Variants in DIAPH1 observed in about 807,000 individuals in gnomAD.
The protein encoded by DIAPH1 is diaphanous related formin 1, also known as protein diaphanous homolog 1.
Under a neutral mutation model 140.7 loss-of-function variants are expected in DIAPH1, and 46 were observed. The ratio of observed to expected loss-of-function variants is 0.33; its 90% confidence interval spans 0.26 to 0.42. The LOEUF is 0.42. Ranked by LOEUF, DIAPH1 falls within the 10% of genes least tolerant of loss-of-function variation. DIAPH1 has a pLI of 1.00. For missense variants in DIAPH1, 1,310 were observed against 1,558.7 expected, an observed-to-expected ratio of 0.84 and a Z score of 2.69; for synonymous variants, 565 against 551.6, an observed-to-expected ratio of 1.02 and a Z score of -0.34.
rs765289550 is a variant in DIAPH1 at position 141,524,144 on chromosome 5, T to C, written c.3660A>G (p.Gln1220=). Residue 1220 remains glutamine (Q), a splice_region_variant and synonymous_variant, in exon 27 of 28, where the codon CAA becomes CAG. Transcript: ENST00000389054. ...AAFRRKRGPR[Q]ANRKAGCAVT... is the part of the protein sequence containing the mutation. Reference sequence around the variant, plus strand: ...GATGAGCTCCATGTGCTTACTTACCTTGACGGGGCCCTCTCTTCCGTCGGA... The same window carrying C: ...GATGAGCTCCATGTGCTTACTTACCCTGACGGGGCCCTCTCTTCCGTCGGA... 3.7e-6 allele frequency: 6 copies of C among 1,613,972 alleles called. No individual in the cohort carries two copies. In the East Asian group the frequency reaches 1.3e-4, roughly 36 times the overall value.
intron 2 of DIAPH1, 49 bp from the exon 3 acceptor site, chr5:141,587,246 AC>A: frequency 6.3e-7 from 1 of 1,591,672 alleles, no homozygotes; most frequent in South Asian, 1.1e-5. Flanking sequence ...CACTTACATA[AC>A]AAGCCACACA....
chr5:141,617,818 T>A (rs773551689), intron 1 of DIAPH1, among the ~76,000 whole-genome samples: 1 of 152,162 alleles, frequency 6.6e-6, no homozygotes, highest in South Asian at 2.1e-4. Context: ...TAGGGTTACA[T>A]GTATATCACT....
intron 18 of DIAPH1, among the ~76,000 whole-genome samples, chr5:141,570,878 A>C (rs942101097): frequency 1.3e-5 from 2 of 152,206 alleles, no homozygotes. Context: ...AAGAAAGAAG[A>C]GGGCAAAGTA....
chr5:141,567,707 T>G (rs2099894586), intron 18 of DIAPH1, among the ~76,000 whole-genome samples: 1 of 152,160 alleles, frequency 6.6e-6, no homozygotes, highest in Non-Finnish European at 1.5e-5. Flanking sequence ...TGCCACCTAG[T>G]GGACAGAAGA....
At position 141,618,854 on chromosome 5, in the gene DIAPH1, G is replaced by C; in HGVS notation, c.61C>G (p.Arg21Gly). 6.5e-7 allele frequency: 1 copy of C among 1,536,912 alleles called. No homozygotes were observed. Residue 21 changes from arginine (R) to glycine (G), a missense_variant, in exon 1 of 28, where the codon CGG becomes GGG. Arg to Gly is a moderately radical substitution (Grantham distance 125, BLOSUM62 -2). This residue lies in a region of DIAPH1 where 377 missense variants were observed against 497.1 expected (regional missense o/e 0.76). Transcript: ENST00000389054. Reference sequence around the variant, plus strand: ...GCCGAGGGCAGCTCATCTGGGCTCCGGCCCTTCTTCTTGTCCCGGGTCCCG... The same window carrying C: ...GCCGAGGGCAGCTCATCTGGGCTCCCGCCCTTCTTCTTGTCCCGGGTCCCG... Reference protein sequence around the residue: ...GRGTRDKKKGRSPDELPSAGG... With the variant: ...GRGTRDKKKGGSPDELPSAGG...
rs532721231 is a variant in DIAPH1, at chr5:141,611,667, CATAG to C, written c.117+7127_117+7130del. On this transcript the variant is annotated intron_variant, in intron 1 of 27. Transcript: ENST00000389054. The stretch of plus-strand genomic sequence containing the variant: ...ATGAGCAGATTCTTCACGGACGATA[CATAG>C]ATAGCAAATGGGCAAAATCTTGAAC... Among the ~76,000 whole-genome samples, 67 of 152,262 alleles carry C rather than the reference CATAG, an allele frequency of 4.4e-4. 1 individual carries two copies. The highest frequency in any genetic ancestry group is 3.5e-3 in the Admixed American group (54 of 15,290).
chr5:141,575,552 G>A (rs533392800), intron 14 of DIAPH1, among the ~76,000 whole-genome samples: 11 of 152,196 alleles, frequency 7.2e-5, no homozygotes, highest in African/African-American at 2.4e-4. Context: ...GGGAGGCTGA[G>A]GCAGGAGAAC....
chr5:141,529,843 GGAGGCCAAGGT>G lies in DIAPH1; in HGVS notation c.2582-157_2582-147del. The G allele has an allele frequency of 4.1e-6, 3 of 727,824 alleles. No homozygotes were observed. In the South Asian group the frequency reaches 4.4e-5, roughly 11 times the overall value. 45.1% of individuals were successfully genotyped at this position (727,824 alleles called of 1,614,324 possible). A position where few individuals can be genotyped will look rare whatever the true frequency, so the allele number is the denominator to read the frequency against. On this transcript the variant is annotated intron_variant, in intron 19 of 27. Transcript: ENST00000389054. ...TCATGCCTGTAATCCCAGCACTTCG[GGAGGCCAAGGT>G]GGGCGGATCGCTTGAGCCCCAGAGT...
chr5:141,520,423 T>C (rs540273547), intron 27 of DIAPH1, among the ~76,000 whole-genome samples: 6 of 152,210 alleles, frequency 3.9e-5, no homozygotes, highest in South Asian at 4.1e-4. Context: ...CCCTTATGAG[T>C]GGCTTGGTGC....
intron 18 of DIAPH1, among the ~76,000 whole-genome samples, chr5:141,567,673 C>G (rs1010663182): frequency 6.6e-6 from 1 of 152,168 alleles, no homozygotes; most frequent in Non-Finnish European, 1.5e-5. Context: ...CAAAAATTCA[C>G]TAATAAAGAT....
chr5:141,545,682 GAGA>G (rs1488689857), intron 18 of DIAPH1, among the ~76,000 whole-genome samples: 4 of 152,102 alleles, frequency 2.6e-5, no homozygotes, highest in African/African-American at 4.8e-5. Flanking sequence ...GAGATGATGA[GAGA>G]AGAACACATT....
At position 141,577,736 on chromosome 5, in the gene DIAPH1, A is replaced by G. The variant is rs2099896172; in HGVS notation, c.1164-145T>C. ...CTGTTCTTCCTGTAAACATCACCAGAAACTTTAAGCTTTCTAAAACGTCCT... is the reference window on the plus strand; with the variant it reads ...CTGTTCTTCCTGTAAACATCACCAGGAACTTTAAGCTTTCTAAAACGTCCT... On this transcript the variant is annotated intron_variant, in intron 11 of 27. Transcript: ENST00000389054. 3 of 694,114 alleles carry G rather than the reference A, an allele frequency of 4.3e-6. No individual in the cohort carries two copies. The South Asian group carries it at 4.4e-5, about 10-fold the overall frequency. The allele number at this position is 694,114 out of a possible 1,614,324, so 43.0% of individuals were successfully genotyped here.
Position 141,578,262 on chromosome 5 carries a change from G to T in DIAPH1, c.1126C>A (p.Leu376Met), listed in dbSNP as rs141629026. 3 of 1,614,024 alleles carry T rather than the reference G, an allele frequency of 1.9e-6. No homozygotes were observed. The African/African-American group carries it at 4.0e-5, about 22-fold the overall frequency. The change falls in exon 11 of 28, where the codon CTG becomes ATG. Residue 376 changes from leucine to methionine, a missense_variant. Physicochemically the swap from Leu to Met is conservative, Grantham distance 15. Transcript: ENST00000389054. ...CGAATGTCATCCAGCCGTCCCTTCA[G>T]GTCATAGGAATCCTCTTCCCCTTGT... is the stretch of plus-strand genomic sequence containing the variant. ...DEQGEEDSYD[L>M]KGRLDDIRME...
rs2099895606 is a variant in DIAPH1 at position 141,574,121 on chromosome 5, G to A, written c.1729C>T (p.Pro577Ser). 1 of 1,614,042 alleles carries A rather than the reference G, an allele frequency of 6.2e-7. No homozygotes were observed. Among genetic ancestry groups the A allele is most frequent in the Non-Finnish European group, 8.5e-7 (1 of 1,179,992 alleles). The change falls in exon 16 of 28, where the codon CCT (proline) becomes TCT (serine). Residue 577 changes from proline (P) to serine (S), a missense_variant. Physicochemically the swap from Pro to Ser is moderately conservative, Grantham distance 74 (BLOSUM62 -1). This residue lies in a region of DIAPH1 where 589 missense variants were observed against 549.3 expected (regional missense o/e 1.07). Transcript: ENST00000389054. ...AAAITVPPSV[P>S]SRAPVPPAPP... ...GCAGGGGGAACAGGAGCACGACTAG[G>A]AACAGAAGGAGGTACAGTAATAGCT...
intron 18 of DIAPH1, among the ~76,000 whole-genome samples, chr5:141,553,807 T>A (rs779827319): frequency 2.0e-5 from 3 of 152,080 alleles, no homozygotes; most frequent in Non-Finnish European, 4.4e-5. Flanking sequence ...ATTAGTGAAA[T>A]CTGTAGCAGA....
At chr5:141,600,781 C>A (rs1011460348) in intron 1 of DIAPH1, among the ~76,000 whole-genome samples, 7 of 152,132 alleles carry the variant, frequency 4.6e-5, no homozygotes, top group African/African-American at 1.7e-4. Context: ...TTTATGCCAA[C>A]AGTATGGCAT....
chr5:141,528,991 A>C, intron 21 of DIAPH1, 50 bp from the exon 22 acceptor site: 1 of 1,613,494 alleles, frequency 6.2e-7, no homozygotes, highest in Non-Finnish European at 8.5e-7. Flanking sequence ...GGGGGAAGTC[A>C]GAAAAAGATA....
chr5:141,519,244 T>G (rs192819765), intron 27 of DIAPH1, among the ~76,000 whole-genome samples: 1 of 152,220 alleles, frequency 6.6e-6, no homozygotes, highest in African/African-American at 2.4e-5. Context: ...TCAGGCCTCC[T>G]ACATTTCCAC....
chr5:141,534,033 C>CAAAA lies in DIAPH1; in HGVS notation c.2581+298_2581+301dup, dbSNP rs35815835. Among the ~76,000 whole-genome samples the CAAAA allele has an allele frequency of 2.0e-3, 100 of 49,922 alleles. 1 individual carries two copies. Among genetic ancestry groups the CAAAA allele is most frequent in the African/African-American group, 6.8e-3 (81 of 11,934 alleles). 32.8% of individuals were successfully genotyped at this position (49,922 alleles called of 152,430 possible). A position where few individuals can be genotyped will look rare whatever the true frequency, so the allele number is the denominator to read the frequency against. ...GCAACAGAGTGGTGAGACTGTGTCT[C>CAAAA]AAAAAAAAAAAAAAAAAAAAAAAAG... On this transcript the variant is annotated intron_variant, in intron 19 of 27. Transcript: ENST00000389054.
Sources: allele counts gnomAD v4.1 joint callset (sites outside exome capture counted in the v4.1 genomes callset), GRCh38; gene constraint gnomAD v4.1.1; regional missense constraint gnomAD v4.1.1; transcripts MANE v1.5; gene names NCBI Gene and HGNC (gene_info 2026-07-23, HGNC 2026-07-21).